SLC16A1: variants seen among roughly 807,000 people sequenced by gnomAD.
The protein encoded by SLC16A1 is monocarboxylate transporter 1.
In SLC16A1, 11 loss-of-function variants were observed where a neutral mutation model predicts 32.2. The ratio of observed to expected loss-of-function variants is 0.34; its 90% CI spans 0.21 to 0.56. The LOEUF (loss-of-function observed/expected upper bound fraction) is 0.56, where lower values mean the gene tolerates loss of function less well. Among genes scored for constraint, SLC16A1 ranks in the 20% least tolerant of loss-of-function variants. The pLI is 0.87. For synonymous variants in SLC16A1, 231 were observed against 226.8 expected (o/e 1.02, Z -0.17); for missense variants, 435 against 615.0 (o/e 0.71, Z 3.10).
At chr1:112,930,336 A>C (rs965872310) in intron 1 of SLC16A1, among the ~76,000 whole-genome samples, 2 of 151,538 alleles carry the variant, frequency 1.3e-5, no homozygotes, top group Admixed American at 1.3e-4. Context: ...GGGGAAAAAA[A>C]CCCCCACACT....
At chr1:112,939,575 G>A (rs531423360) in intron 1 of SLC16A1, among the ~76,000 whole-genome samples, 5 of 151,992 alleles carry the variant, frequency 3.3e-5, no homozygotes, top group East Asian at 2.0e-4. Flanking sequence ...GCATGATCTC[G>A]GCTCACTGCA....
chr1:112,919,269 C>T (rs1477469026), intron 3 of SLC16A1, among the ~76,000 whole-genome samples: 1 of 152,026 alleles, frequency 6.6e-6, no homozygotes, highest in Non-Finnish European at 1.5e-5. Flanking sequence ...CTCCTGACCT[C>T]GTGATCCACC....
Position 112,914,035 on chromosome 1 carries a change from T to A in SLC16A1, c.1359A>T (p.Lys453Asn), listed in dbSNP as rs1209511545. The A allele has an allele frequency of 6.2e-7, 1 of 1,614,220 alleles. No individual in the cohort carries two copies. The highest frequency in any genetic ancestry group is 1.7e-5 in the Admixed American group (1 of 60,020). ...INYRLLAKEQ[K>N]ANEQKKESKE... ...TACTTTCCTTTTTCTGCTCGTTTGC[T>A]TTCTGTTCTTTTGCCAAAAGTCGAT... Residue 453 changes from lysine to asparagine, a missense_variant, in exon 5 of 5, where the codon AAA becomes AAT. Physicochemically the swap from Lys to Asn is moderately conservative, Grantham distance 94. This residue lies in a region of SLC16A1 where 111 missense variants were observed against 114.7 expected (regional missense o/e 0.97). Transcript: ENST00000369626.
chr1:112,954,799 T>G (rs1650016938), intron 1 of SLC16A1, among the ~76,000 whole-genome samples: 1 of 152,242 alleles, frequency 6.6e-6, no homozygotes, highest in Admixed American at 6.5e-5. Context: ...TCTTACCACG[T>G]GTTTTAAGTG....
intron 1 of SLC16A1, among the ~76,000 whole-genome samples, chr1:112,953,153 C>CT (rs55766100): frequency 0.069 from 9,045 of 130,180 alleles, 544 homozygotes; most frequent in African/African-American, 0.14. Context: ...ACTGAAAATC[C>CT]TTTTTTTTTT....
chr1:112,913,768 G>T lies in SLC16A1; in HGVS notation c.*123C>A. On this transcript the variant is annotated 3_prime_UTR_variant, in exon 5 of 5. Coordinates refer to ENST00000369626, the MANE Select transcript of SLC16A1 (RefSeq NM_003051.4). ...CAAAAATCCCATCAATGAACAACTG[G>T]TATGATTTCCACACAAATGTCTACT... 8.2e-7 allele frequency: 1 copy of T among 1,215,168 alleles called. No individual in the cohort carries two copies. The highest frequency in any genetic ancestry group is 1.2e-6 in the Non-Finnish European group (1 of 827,948). 75.3% of individuals were successfully genotyped at this position (1,215,168 alleles called of 1,614,324 possible).
intron 4 of SLC16A1, among the ~76,000 whole-genome samples, chr1:112,915,294 G>T (rs1048350680): frequency 3.9e-5 from 6 of 152,138 alleles, no homozygotes; most frequent in Non-Finnish European, 8.8e-5. Context: ...GGGATTTGCA[G>T]GATAGGAATT....
intron 4 of SLC16A1, among the ~76,000 whole-genome samples, chr1:112,914,401 A>G (rs1648431425): frequency 6.6e-6 from 1 of 152,140 alleles, no homozygotes; most frequent in Admixed American, 6.5e-5. Flanking sequence ...AAAATAGTTA[A>G]CTCTTGGCAA....
At chr1:112,946,046 T>C (rs911245664) in intron 1 of SLC16A1, among the ~76,000 whole-genome samples, 1 of 152,188 alleles carries the variant, frequency 6.6e-6, no homozygotes, top group Non-Finnish European at 1.5e-5. Context: ...CATTCTTTTT[T>C]CCTTTTATAG....
chr1:112,944,090 G>A (rs1213446647), intron 1 of SLC16A1, among the ~76,000 whole-genome samples: 3 of 152,314 alleles, frequency 2.0e-5, no homozygotes, highest in African/African-American at 7.2e-5. Flanking sequence ...GAGAAGGGGA[G>A]TTAATATGCT....
chr1:112,945,053 C>G (rs1012217833), intron 1 of SLC16A1, among the ~76,000 whole-genome samples: 1 of 148,352 alleles, frequency 6.7e-6, no homozygotes, highest in African/African-American at 2.5e-5. Flanking sequence ...GGCTGGAGTG[C>G]AGTGGCGTGA....
intron 1 of SLC16A1, among the ~76,000 whole-genome samples, chr1:112,939,824 G>C (rs1201215909): frequency 1.3e-5 from 2 of 151,990 alleles, no homozygotes; most frequent in Admixed American, 6.6e-5. Flanking sequence ...TTTTTAAAAT[G>C]AGTTATGTAT....
chr1:112,947,958 C>A (rs1649758201), intron 1 of SLC16A1, among the ~76,000 whole-genome samples: 1 of 152,190 alleles, frequency 6.6e-6, no homozygotes, highest in Non-Finnish European at 1.5e-5. Context: ...GTGGCTCACG[C>A]TTGTAATCCC....
chr1:112,947,249 AC>A (rs772092534), intron 1 of SLC16A1, among the ~76,000 whole-genome samples: 2 of 152,236 alleles, frequency 1.3e-5, no homozygotes, highest in Non-Finnish European at 2.9e-5. Flanking sequence ...ATTTATTAAC[AC>A]ATAACCTACC....
At chr1:112,918,824 A>G (rs553195798) in intron 3 of SLC16A1, among the ~76,000 whole-genome samples, 6 of 152,126 alleles carry the variant, frequency 3.9e-5, no homozygotes, top group African/African-American at 1.4e-4. Context: ...AACGAAAGAA[A>G]TAACATATAG....
chr1:112,927,901 T>C (rs1648995789), intron 2 of SLC16A1, among the ~76,000 whole-genome samples: 1 of 152,190 alleles, frequency 6.6e-6, no homozygotes, highest in African/African-American at 2.4e-5. Flanking sequence ...CTGGAGTACC[T>C]CTGGGTAATG....
At chr1:112,942,804 C>T (rs1649553437) in intron 1 of SLC16A1, among the ~76,000 whole-genome samples, 1 of 152,130 alleles carries the variant, frequency 6.6e-6, no homozygotes, top group Admixed American at 6.6e-5. Context: ...ACTATTGTGA[C>T]CCCAATCCTA....
intron 3 of SLC16A1, among the ~76,000 whole-genome samples, chr1:112,920,652 A>T (rs978641298): frequency 6.6e-6 from 1 of 152,170 alleles, no homozygotes; most frequent in Non-Finnish European, 1.5e-5. Flanking sequence ...CCAGATTTTT[A>T]AAATATAAAA....
In SLC16A1 at chr1:112,917,806, G is replaced by C; in HGVS notation, c.600C>G (p.Pro200=). The C allele has an allele frequency of 1.2e-6, 2 of 1,614,118 alleles. No homozygotes were observed. The highest frequency in any genetic ancestry group is 1.7e-6 in the Non-Finnish European group (2 of 1,180,028). ...VAGALMRPIG[P]KPTKAGKDKS... is the part of the protein sequence containing the mutation. ...TATCTTTCCCTGCCTTGGTTGGCTTGGGCCCGATTGGTCGCATGAGGGCTC... is the reference window on the plus strand; with the variant it reads ...TATCTTTCCCTGCCTTGGTTGGCTTCGGCCCGATTGGTCGCATGAGGGCTC... Residue 200 remains proline (P), a synonymous_variant, in exon 4 of 5, where the codon CCC becomes CCG. Coordinates refer to ENST00000369626, the MANE Select transcript of SLC16A1 (RefSeq NM_003051.4). The surrounding 1 kb of genome is among the most constrained non-coding windows in gnomAD (Gnocchi z 4.1).
Sources: allele counts gnomAD v4.1 joint callset (sites outside exome capture counted in the v4.1 genomes callset), GRCh38; gene constraint gnomAD v4.1.1; regional missense constraint gnomAD v4.1.1; non-coding constraint Gnocchi (gnomAD v3.1); transcripts MANE v1.5; gene names NCBI Gene and HGNC (gene_info 2026-07-23, HGNC 2026-07-21).